VPS53: variants seen among roughly 807,000 people sequenced by gnomAD.
The protein encoded by VPS53 is vacuolar protein sorting-associated protein 53 homolog.
Under a neutral mutation model 107.0 loss-of-function variants are expected in VPS53, and 70 were observed. The observed-to-expected ratio is 0.65, with a 90% CI of 0.54 to 0.80. The LOEUF is 0.80. VPS53 is among the 30% of genes least tolerant of loss of function. The pLI is 0.00. For missense variants in VPS53, 917 were observed against 1,049.4 expected (o/e 0.87, Z 1.74); for synonymous variants, 409 against 393.3 (o/e 1.04, Z -0.47).
At chr17:697,194 C>T (rs896225537) in intron 4 of VPS53, among the ~76,000 whole-genome samples, 1 of 152,204 alleles carries the variant, frequency 6.6e-6, no homozygotes, top group Non-Finnish European at 1.5e-5. Flanking sequence ...CCCCAGTGTT[C>T]TCATCTGGCC....
At chr17:570,176 G>C (rs558339649) in intron 13 of VPS53, among the ~76,000 whole-genome samples, 1 of 151,898 alleles carries the variant, frequency 6.6e-6, no homozygotes, top group East Asian at 1.9e-4. Context: ...AGACCATCCT[G>C]ACCAACATGG....
chr17:537,247 A>G lies in VPS53; in HGVS notation c.1867-71T>C, dbSNP rs12951098. On this transcript the variant is annotated intron_variant, in intron 17 of 21. Transcript: ENST00000437048. Reference sequence around the variant, plus strand: ...GGTGTCGCCTGTTACTGGGGAAGGGAGGGGCTGGAGTGGAAGTCAGGTCAC... The same window carrying G: ...GGTGTCGCCTGTTACTGGGGAAGGGGGGGGCTGGAGTGGAAGTCAGGTCAC... 279,869 of 1,549,642 alleles carry G rather than the reference A, an allele frequency of 0.18. 26,903 individuals are homozygous for G. The highest frequency in any genetic ancestry group is 0.27 in the South Asian group (23,150 of 84,588).
chr17:600,704 G>C (rs1266127398), intron 12 of VPS53, among the ~76,000 whole-genome samples: 2 of 152,168 alleles, frequency 1.3e-5, no homozygotes, highest in Non-Finnish European at 2.9e-5. Context: ...TTCTGACATT[G>C]AGACCTGGCT....
At chr17:598,337 T>C (rs1000164303) in intron 12 of VPS53, among the ~76,000 whole-genome samples, 13 of 140,914 alleles carry the variant, frequency 9.2e-5, no homozygotes, top group Admixed American at 4.7e-4. Flanking sequence ...GCCGCCTGCC[T>C]TGGCCTCCCA....
intron 4 of VPS53, among the ~76,000 whole-genome samples, chr17:668,347 A>G (rs566039058): frequency 1.3e-5 from 2 of 152,208 alleles, no homozygotes; most frequent in African/African-American, 2.4e-5. Flanking sequence ...ACTGATTAAA[A>G]GTATCATGGT....
At chr17:610,290 A>G (rs1171164458) in intron 11 of VPS53, among the ~76,000 whole-genome samples, 2 of 152,188 alleles carry the variant, frequency 1.3e-5, no homozygotes, top group Admixed American at 1.3e-4. Flanking sequence ...ATAGAATAAA[A>G]TCTTTCTGTA....
intron 6 of VPS53, among the ~76,000 whole-genome samples, chr17:653,895 C>G (rs543829683): frequency 6.6e-6 from 1 of 152,162 alleles, no homozygotes; most frequent in South Asian, 2.1e-4. Flanking sequence ...GGTGGCTCAG[C>G]CTGTCATCCC....
In VPS53 at chr17:521,694, G is replaced by C. The variant is rs59240016; in HGVS notation, c.2130C>G (p.Leu710=). 2,474 of 1,550,866 alleles carry C rather than the reference G, an allele frequency of 1.6e-3. 35 individuals carry two copies. In the African/African-American group the frequency reaches 0.03, roughly 19 times the overall value. The change falls in exon 20 of 22, where the codon CTC becomes CTG. Residue 710 remains leucine (L), a synonymous_variant. Coordinates refer to ENST00000437048, the MANE Select transcript of VPS53 (RefSeq NM_001128159.3). ...THSLKMVLLD[L]PSISSQVVRK... ...TCACCACCTGCGAGCTGATGGAGGGGAGATCGAGCAGGACCATCTTCAGCG... is the reference window on the plus strand; with the variant it reads ...TCACCACCTGCGAGCTGATGGAGGGCAGATCGAGCAGGACCATCTTCAGCG...
intron 11 of VPS53, among the ~76,000 whole-genome samples, chr17:611,500 C>T (rs765948581): frequency 7.2e-5 from 11 of 152,156 alleles, no homozygotes; most frequent in Non-Finnish European, 4.4e-5. Context: ...AATGTAAAAC[C>T]GTGTGGCTGC....
intron 13 of VPS53, among the ~76,000 whole-genome samples, chr17:583,245 C>A (rs888023769): frequency 3.3e-5 from 5 of 149,738 alleles, no homozygotes; most frequent in Non-Finnish European, 3.0e-5. Flanking sequence ...GAACCTCCTT[C>A]GGAACCTCAG....
At chr17:641,138 G>C (rs1177381085) in intron 7 of VPS53, among the ~76,000 whole-genome samples, 2 of 152,200 alleles carry the variant, frequency 1.3e-5, no homozygotes, top group African/African-American at 2.4e-5. Context: ...TTACAGGCGT[G>C]AGTCACTGCG....
rs1039112646 is a variant in VPS53 at position 578,278 on chromosome 17, G to T, written c.1313+7992C>A. ...CCTCAGAATTTAATGCGTTCCCAGA[G>T]AAATTCTCTCAGAACCTAATGCGTT... On this transcript the variant is annotated intron_variant, in intron 13 of 21. Coordinates refer to ENST00000437048, the MANE Select transcript of VPS53 (RefSeq NM_001128159.3). 6.6e-5 allele frequency among the ~76,000 whole-genome samples: 10 copies of T among 151,488 alleles called. No homozygotes were observed. The South Asian group carries it at 1.9e-3, about 28-fold the overall frequency.
chr17:697,298 C>T (rs1244563311), intron 4 of VPS53, 120 bp downstream of exon 4: 2 of 851,126 alleles, frequency 2.3e-6, no homozygotes, highest in Admixed American at 3.7e-5. Flanking sequence ...TCTTGTCCTG[C>T]CATGTATGAA....
intron 13 of VPS53, among the ~76,000 whole-genome samples, chr17:577,688 G>C (rs34311093): frequency 0.15 from 22,340 of 151,124 alleles, 1,955 homozygotes; most frequent in South Asian, 0.23. Context: ...GAACCTCAGT[G>C]CATTACCAGA....
chr17:640,776 G>A (rs947981912), intron 7 of VPS53, among the ~76,000 whole-genome samples: 1 of 151,948 alleles, frequency 6.6e-6, no homozygotes, highest in Non-Finnish European at 1.5e-5. Context: ...CTTTACAGGT[G>A]GCTAGAGGTT....
At chr17:620,591 C>G (rs1255724452) in intron 11 of VPS53, among the ~76,000 whole-genome samples, 1 of 152,134 alleles carries the variant, frequency 6.6e-6, no homozygotes, top group East Asian at 1.9e-4. Context: ...CAGTGACTGA[C>G]TGCAGGTAAA....
At chr17:713,842 C>T (rs1437535476) in intron 1 of VPS53, among the ~76,000 whole-genome samples, 2 of 151,212 alleles carry the variant, frequency 1.3e-5, no homozygotes, top group African/African-American at 4.9e-5. Context: ...GAGTTCGAGA[C>T]CATCCTGGCC....
intron 10 of VPS53, among the ~76,000 whole-genome samples, 165 bp from the exon 11 acceptor site, chr17:623,839 C>T (rs1010591642): frequency 1.3e-5 from 2 of 151,928 alleles, no homozygotes; most frequent in Non-Finnish European, 2.9e-5. Context: ...AATAGAAATA[C>T]ATATTCTAAA....
chr17:555,928 T>C (rs558115339), intron 15 of VPS53, among the ~76,000 whole-genome samples: 1 of 152,286 alleles, frequency 6.6e-6, no homozygotes, highest in South Asian at 2.1e-4. Flanking sequence ...ACACAGTTTC[T>C]TTAAGAAAAG....
Sources: allele counts gnomAD v4.1 joint callset (sites outside exome capture counted in the v4.1 genomes callset), GRCh38; gene constraint gnomAD v4.1.1; transcripts MANE v1.5; gene names NCBI Gene and HGNC (gene_info 2026-07-23, HGNC 2026-07-21).